Variants in BABAM2 observed in about 807,000 individuals in gnomAD.
The protein encoded by BABAM2 is BRISC and BRCA1 A complex member 2.
In BABAM2, 31 loss-of-function variants were observed where a neutral mutation model predicts 54.7. The observed-to-expected ratio is 0.57, with a 90% confidence interval of 0.43 to 0.77. The LOEUF (loss-of-function observed/expected upper bound fraction) is 0.77. Among genes scored for constraint, BABAM2 ranks in the 30% least tolerant of loss-of-function variants. The pLI is 0.00. For synonymous variants in BABAM2, 167 were observed against 162.9 expected (o/e 1.03, Z -0.19); for missense variants, 364 against 455.8 (o/e 0.80, Z 1.83).
chr2:28,310,331 C>T (rs1688963054), intron 11 of BABAM2: 1 of 592,166 alleles, frequency 1.7e-6, no homozygotes, highest in Non-Finnish European at 2.9e-6. Flanking sequence ...GTTTACAGCC[C>T]AGCTCAGTCT....
chr2:28,111,673 C>A (rs1041846821), intron 6 of BABAM2, among the ~76,000 whole-genome samples: 3 of 151,996 alleles, frequency 2.0e-5, no homozygotes, highest in African/African-American at 7.2e-5. Context: ...TTTTTTTCAT[C>A]TTTGGACCCG....
At chr2:28,046,900 C>G (rs941994003) in intron 6 of BABAM2, among the ~76,000 whole-genome samples, 4 of 151,630 alleles carry the variant, frequency 2.6e-5, no homozygotes, top group Non-Finnish European at 5.9e-5. Flanking sequence ...TTCTGAGTAA[C>G]TGGGACTACA....
chr2:27,940,996 G>A (rs936533424), intron 3 of BABAM2, among the ~76,000 whole-genome samples: 2 of 152,070 alleles, frequency 1.3e-5, no homozygotes, highest in Non-Finnish European at 2.9e-5. Context: ...CCCTACATGA[G>A]GACTCAATTC....
chr2:27,929,824 T>G lies in BABAM2; in HGVS notation c.129-8T>G. 1 of 1,612,590 alleles carries G rather than the reference T, an allele frequency of 6.2e-7. No individual in the cohort carries two copies. The highest frequency in any genetic ancestry group is 8.5e-7 in the Non-Finnish European group (1 of 1,179,006). ...CTTTTCTTTCTTCTGTTTCTGCATT[T>G]TTTAAAGCTGCACATCATTGACTCC... On this transcript the variant is annotated splice_region_variant and splice_polypyrimidine_tract_variant and intron_variant, in intron 2 of 11. Coordinates refer to ENST00000379624, the MANE Select transcript of BABAM2 (RefSeq NM_199191.3).
chr2:28,326,267 G>T (rs1690445983), intron 11 of BABAM2, among the ~76,000 whole-genome samples: 2 of 152,166 alleles, frequency 1.3e-5, no homozygotes, highest in South Asian at 4.1e-4. Flanking sequence ...CCGGGACTGT[G>T]GTGAGCTCCC....
intron 11 of BABAM2, among the ~76,000 whole-genome samples, chr2:28,320,584 C>T (rs1662867319): frequency 6.6e-6 from 1 of 152,230 alleles, no homozygotes; most frequent in African/African-American, 2.4e-5. Flanking sequence ...TTGCCAGGCC[C>T]ATGGTGATGT....
chr2:28,289,129 A>C (rs1246494590), intron 10 of BABAM2, among the ~76,000 whole-genome samples: 49 of 151,972 alleles, frequency 3.2e-4, no homozygotes, highest in Non-Finnish European at 1.6e-4. Context: ...CATAAACACT[A>C]CTCAACTTAA....
In BABAM2 at chr2:27,936,112, G is replaced by T. The variant is rs150578403; in HGVS notation, c.205+6204G>T. Among the ~76,000 whole-genome samples the T allele has an allele frequency of 6.1e-3, 928 of 152,122 alleles. 13 individuals carry two copies. Among genetic ancestry groups the T allele is most frequent in the African/African-American group, 0.021 (884 of 41,488 alleles). On this transcript the variant is annotated intron_variant, in intron 3 of 11. Coordinates refer to ENST00000379624, the MANE Select transcript of BABAM2 (RefSeq NM_199191.3). ...TTTTTATATTTTTAGTAGAGACGGGGCTTCACCATATTAGCCAGGCTGGTC... is the reference window on the plus strand; with the variant it reads ...TTTTTATATTTTTAGTAGAGACGGGTCTTCACCATATTAGCCAGGCTGGTC...
Position 27,995,672 on chromosome 2 carries a change from CG to C in BABAM2, c.300+7588del, listed in dbSNP as rs1673090868. Among the ~76,000 whole-genome samples the C allele has an allele frequency of 6.6e-6, 1 of 152,072 alleles. No individual in the cohort carries two copies. Among genetic ancestry groups the C allele is most frequent in the Non-Finnish European group, 1.5e-5 (1 of 67,996 alleles). On this transcript the variant is annotated intron_variant, in intron 4 of 11. Transcript: ENST00000379624. This position sits in a 1 kb window ranked among gnomAD's most constrained non-coding sequence, Gnocchi z 4.1. ...TCGGCTCACTGCAAGCTCCGCCTCC[CG>C]GGTTCACGCCATTCTCCTGCCTCAG...
At chr2:27,976,142 G>A (rs1671585429) in intron 3 of BABAM2, among the ~76,000 whole-genome samples, 1 of 152,086 alleles carries the variant, frequency 6.6e-6, no homozygotes, top group Admixed American at 6.6e-5. Context: ...AGGAAAAAAG[G>A]TTGGCAGTTT....
At chr2:28,196,052 G>C (rs1677497932) in intron 7 of BABAM2, among the ~76,000 whole-genome samples, 1 of 152,196 alleles carries the variant, frequency 6.6e-6, no homozygotes, top group Non-Finnish European at 1.5e-5. Flanking sequence ...TTTTGGCTGG[G>C]CGTGGTGGCT....
chr2:28,262,361 T>G (rs570431572), intron 10 of BABAM2, among the ~76,000 whole-genome samples: 7 of 152,248 alleles, frequency 4.6e-5, no homozygotes, highest in African/African-American at 1.4e-4. Flanking sequence ...TTTATAAGAA[T>G]ACACTTTTCA....
chr2:28,085,918 C>T (rs758073827), intron 6 of BABAM2, among the ~76,000 whole-genome samples: 12 of 151,964 alleles, frequency 7.9e-5, no homozygotes, highest in African/African-American at 9.7e-5. Flanking sequence ...TCCATCTGCA[C>T]TGAAAAAATG....
chr2:27,985,057 A>AT (rs369150029), intron 3 of BABAM2, among the ~76,000 whole-genome samples: 5 of 137,410 alleles, frequency 3.6e-5, no homozygotes, highest in East Asian at 4.3e-4. Flanking sequence ...GTATTCCATG[A>AT]TGTGTGTGTG....
At chr2:28,057,863 G>T (rs1232513019) in intron 6 of BABAM2, among the ~76,000 whole-genome samples, 1 of 152,064 alleles carries the variant, frequency 6.6e-6, no homozygotes, top group Non-Finnish European at 1.5e-5. Context: ...AGCTAGACAG[G>T]CCAGGCACGG....
intron 3 of BABAM2, among the ~76,000 whole-genome samples, chr2:27,955,852 TTAAAA>T (rs1483209158): frequency 3.3e-5 from 5 of 152,206 alleles, no homozygotes; most frequent in African/African-American, 1.2e-4. Flanking sequence ...CTATTTAATG[TTAAAA>T]TAAAAGTATC....
At chr2:27,972,560 G>A (rs1011170873) in intron 3 of BABAM2, among the ~76,000 whole-genome samples, 1 of 152,114 alleles carries the variant, frequency 6.6e-6, no homozygotes, top group Non-Finnish European at 1.5e-5. Flanking sequence ...CACATGTGGT[G>A]ATGGAGTCTT....
At chr2:27,965,925 T>C (rs182733773) in intron 3 of BABAM2, among the ~76,000 whole-genome samples, 25 of 152,294 alleles carry the variant, frequency 1.6e-4, no homozygotes, top group African/African-American at 6.0e-4. Context: ...TCTGTCTTCT[T>C]TTTCTTCTTT....
At chr2:28,326,791 A>C (rs75534681) in intron 11 of BABAM2, among the ~76,000 whole-genome samples, 4 of 152,290 alleles carry the variant, frequency 2.6e-5, no homozygotes, top group African/African-American at 9.6e-5. Context: ...TCTGCCCTCT[A>C]GGCACTTACA....
Sources: gnomAD v4.1 joint callset for allele counts (sites outside exome capture counted in the v4.1 genomes callset) on GRCh38, gnomAD v4.1.1 for gene constraint, Gnocchi (gnomAD v3.1) non-coding constraint, MANE v1.5 for transcripts, NCBI Gene and HGNC (gene_info 2026-07-23, HGNC 2026-07-21) for gene names.